Variants in CSGALNACT1 observed in about 807,000 individuals in gnomAD.
CSGALNACT1 encodes beta4GalNAcT-1.
CSGALNACT1 carries 52 observed loss-of-function variants against 51.0 expected under a neutral mutation model. The ratio of observed to expected loss-of-function variants is 1.02; its 90% CI spans 0.82 to 1.29. The LOEUF (loss-of-function observed/expected upper bound fraction) is 1.29. Among genes scored for constraint, CSGALNACT1 ranks in the 50% most tolerant of loss-of-function variants. The pLI is 0.00. For missense variants in CSGALNACT1, 935 were observed against 679.2 expected, an observed-to-expected ratio of 1.38 and a Z score of -4.19; for synonymous variants, 341 against 254.4, an observed-to-expected ratio of 1.34 and a Z score of -3.24.
At chr8:19,482,925 C>G (rs2071844859) in intron 4 of CSGALNACT1, among the ~76,000 whole-genome samples, 1 of 152,180 alleles carries the variant, frequency 6.6e-6, no homozygotes, top group African/African-American at 2.4e-5. Flanking sequence ...CTAGTTCTTC[C>G]TCTTCTGAGG....
At chr8:19,452,185 C>G (rs1394481653) in intron 5 of CSGALNACT1, among the ~76,000 whole-genome samples, 1 of 152,096 alleles carries the variant, frequency 6.6e-6, no homozygotes, top group Non-Finnish European at 1.5e-5. Context: ...CCCCACTGAC[C>G]GCCTCCAAAA....
chr8:19,488,899 C>T (rs1483625952), intron 4 of CSGALNACT1, among the ~76,000 whole-genome samples: 1 of 152,136 alleles, frequency 6.6e-6, no homozygotes, highest in African/African-American at 2.4e-5. Flanking sequence ...ATTTTCCCTG[C>T]TCATGAGTCA....
chr8:19,746,861 T>G (rs1323839325), intron 1 of CSGALNACT1, among the ~76,000 whole-genome samples: 1 of 152,218 alleles, frequency 6.6e-6, no homozygotes, highest in Non-Finnish European at 1.5e-5. Flanking sequence ...TCTGACCTTC[T>G]TTCCTACACG....
chr8:19,678,102 C>T (rs542287790), intron 1 of CSGALNACT1, among the ~76,000 whole-genome samples: 69 of 151,464 alleles, frequency 4.6e-4, no homozygotes, highest in African/African-American at 1.6e-3. Context: ...AGACTCTTAT[C>T]TCAAACAAAC....
chr8:19,675,325 C>T (rs1032951166), intron 1 of CSGALNACT1, among the ~76,000 whole-genome samples: 2 of 152,210 alleles, frequency 1.3e-5, no homozygotes, highest in Non-Finnish European at 2.9e-5. Flanking sequence ...TTTCCCTGCT[C>T]CTACTTCTCT....
chr8:19,625,304 C>T (rs888017586), intron 1 of CSGALNACT1, among the ~76,000 whole-genome samples: 36 of 152,142 alleles, frequency 2.4e-4, no homozygotes, highest in African/African-American at 8.7e-4. Context: ...ATTTGGGGTA[C>T]CAAGTTTAAT....
intron 4 of CSGALNACT1, among the ~76,000 whole-genome samples, chr8:19,466,783 T>G (rs1056300706): frequency 8.5e-5 from 13 of 152,308 alleles, no homozygotes; most frequent in African/African-American, 3.1e-4. Flanking sequence ...TCTTCACATG[T>G]GGGGCCACAG....
chr8:19,598,837 A>G (rs1192825635), intron 2 of CSGALNACT1, among the ~76,000 whole-genome samples: 1 of 152,190 alleles, frequency 6.6e-6, no homozygotes, highest in Admixed American at 6.5e-5. Context: ...GACTAAGTGG[A>G]GCCATCTTCA....
chr8:19,513,956 T>A (rs144087298), intron 3 of CSGALNACT1, among the ~76,000 whole-genome samples: 1 of 152,258 alleles, frequency 6.6e-6, no homozygotes, highest in African/African-American at 2.4e-5. Flanking sequence ...ATGAGCATAA[T>A]AGCTCATCAT....
rs67291102 is a variant in CSGALNACT1, at chr8:19,553,638, TA to T, written c.-297+37521del. Among the ~76,000 whole-genome samples the T allele has an allele frequency of 1.8e-4, 21 of 119,768 alleles. 1 individual carries two copies. Among genetic ancestry groups the T allele is most frequent in the East Asian group, 4.4e-4 (2 of 4,544 alleles). 78.6% of individuals were successfully genotyped at this position (119,768 alleles called of 152,430 possible). A position where few individuals can be genotyped will look rare whatever the true frequency, so the allele number is the denominator to read the frequency against. On this transcript the variant is annotated intron_variant, in intron 3 of 9. Coordinates refer to ENST00000454498, the Ensembl canonical transcript of CSGALNACT1. ...ATAAATACATATATATATATATATA[TA>T]AAAAAATATGTCAGCCTTTCTATTA...
intron 1 of CSGALNACT1, among the ~76,000 whole-genome samples, chr8:19,655,810 C>T (rs12543931): frequency 0.43 from 65,587 of 151,846 alleles, 14,631 homozygotes; most frequent in Middle Eastern, 0.54. Flanking sequence ...CTCTTCGAGG[C>T]TATGGAACAT....
intron 1 of CSGALNACT1, among the ~76,000 whole-genome samples, chr8:19,753,646 C>G (rs761542873): frequency 1.3e-5 from 2 of 152,036 alleles, no homozygotes; most frequent in Non-Finnish European, 2.9e-5. Flanking sequence ...GTAGCTGGGA[C>G]CACCACACCT....
intron 1 of CSGALNACT1, among the ~76,000 whole-genome samples, chr8:19,711,521 A>G (rs73218638): frequency 0.015 from 2,274 of 152,356 alleles, 29 homozygotes; most frequent in South Asian, 0.045. Context: ...AAGCAAACTT[A>G]TATGGAAGCT....
At chr8:19,528,323 G>A (rs2082103685) in intron 3 of CSGALNACT1, among the ~76,000 whole-genome samples, 1 of 150,964 alleles carries the variant, frequency 6.6e-6, no homozygotes, top group Non-Finnish European at 1.5e-5. Context: ...AAGCTTGCCT[G>A]ACAGTCACGG....
chr8:19,712,210 A>G (rs2062551472), intron 1 of CSGALNACT1, among the ~76,000 whole-genome samples: 1 of 152,136 alleles, frequency 6.6e-6, no homozygotes, highest in Admixed American at 6.6e-5. Context: ...TATTTTTAGT[A>G]GAGATGGGGT....
intron 3 of CSGALNACT1, among the ~76,000 whole-genome samples, chr8:19,536,493 A>G (rs1294690203): frequency 6.6e-6 from 1 of 152,194 alleles, no homozygotes; most frequent in East Asian, 1.9e-4. Flanking sequence ...GCTGAAAACT[A>G]CAAGACACAG....
intron 3 of CSGALNACT1, among the ~76,000 whole-genome samples, chr8:19,524,853 G>A (rs2081362772): frequency 6.6e-6 from 1 of 152,026 alleles, no homozygotes; most frequent in South Asian, 2.1e-4. Flanking sequence ...GTACCTTTAT[G>A]GAACATCCCA....
intron 6 of CSGALNACT1, among the ~76,000 whole-genome samples, chr8:19,425,540 A>C (rs993328773): frequency 2.0e-5 from 3 of 152,118 alleles, no homozygotes; most frequent in Non-Finnish European, 4.4e-5. Flanking sequence ...TTTGCATGTA[A>C]AACAGAGAAT....
At chr8:19,603,910 C>CT (rs2050963082), upstream of CSGALNACT1, among the ~76,000 whole-genome samples, 1 of 152,008 alleles carries the variant, frequency 6.6e-6, no homozygotes, top group Admixed American at 6.5e-5. Context: ...ACTCCAGCAA[C>CT]TTGAAGAACT....
Sources: allele counts gnomAD v4.1 joint callset (sites outside exome capture counted in the v4.1 genomes callset), GRCh38; gene constraint gnomAD v4.1.1; transcripts MANE v1.5; gene names NCBI Gene and HGNC (gene_info 2026-07-23, HGNC 2026-07-21).